Variants in SLC1A6 observed in about 807,000 individuals in gnomAD.
SLC1A6 encodes solute carrier family 1 member 6.
A neutral mutation model predicts 42.1 loss-of-function variants in SLC1A6; 15 were observed. The ratio of observed to expected loss-of-function variants is 0.36; its 90% CI spans 0.24 to 0.55. The LOEUF is 0.55. Ranked by LOEUF, SLC1A6 falls within the 20% of genes least tolerant of loss-of-function variation. The probability of loss-of-function intolerance (pLI) is 0.88; values close to 1 mark genes in which losing one functional copy is unlikely to be tolerated. For missense variants in SLC1A6, 542 were observed against 772.5 expected (o/e 0.70, Z 3.54); for synonymous variants, 317 against 319.7 (o/e 0.99, Z 0.09).
At chr19:14,978,600 T>A (rs1271191772) in intron 1 of SLC1A6, among the ~76,000 whole-genome samples, 1 of 151,638 alleles carries the variant, frequency 6.6e-6, no homozygotes, top group African/African-American at 2.4e-5. Context: ...CACATTCATG[T>A]ACACCCTCAG....
At chr19:14,962,679 C>T (rs1488159253) in intron 5 of SLC1A6, among the ~76,000 whole-genome samples, 13 of 152,074 alleles carry the variant, frequency 8.5e-5, no homozygotes, top group South Asian at 2.1e-4. Flanking sequence ...TCGAGGCAGG[C>T]GGATCATGAG....
chr19:15,007,395 T>G (rs1391855938), intron 1 of SLC1A6, among the ~76,000 whole-genome samples: 1 of 152,102 alleles, frequency 6.6e-6, no homozygotes, highest in Non-Finnish European at 1.5e-5. Flanking sequence ...GACAGGGGAA[T>G]GAGAGTGAGC....
intron 1 of SLC1A6, among the ~76,000 whole-genome samples, chr19:15,004,949 C>A (rs1285025246): frequency 6.6e-6 from 1 of 152,138 alleles, no homozygotes; most frequent in Non-Finnish European, 1.5e-5. Context: ...CTAATCCCAG[C>A]CCAGCAATGA....
At chr19:14,976,575 G>A (rs1027509089) in intron 1 of SLC1A6, among the ~76,000 whole-genome samples, 2 of 152,024 alleles carry the variant, frequency 1.3e-5, no homozygotes, top group African/African-American at 4.8e-5. Context: ...TAGTAGAGAC[G>A]GGGTTTCACT....
upstream of SLC1A6, among the ~76,000 whole-genome samples, chr19:14,982,597 A>C (rs2045773673): frequency 6.6e-6 from 1 of 152,226 alleles, no homozygotes; most frequent in Non-Finnish European, 1.5e-5. Flanking sequence ...TCAATATTAC[A>C]ATATGGTAAT....
At chr19:14,972,956 G>C (rs1474276443) in intron 1 of SLC1A6, 39 bp from the exon 2 acceptor site, 1 of 1,482,552 alleles carries the variant, frequency 6.7e-7, no homozygotes, top group Admixed American at 2.2e-5. Context: ...GTGAGGGCCA[G>C]GACAGAAGGC....
chr19:14,963,075 G>T (rs2045533665), intron 5 of SLC1A6, among the ~76,000 whole-genome samples: 1 of 152,102 alleles, frequency 6.6e-6, no homozygotes, highest in South Asian at 2.1e-4. Context: ...GTGAATGAAT[G>T]GATACAGAAC....
At chr19:14,974,928 CCTG>C (rs888799493) in intron 1 of SLC1A6, 2 of 151,826 alleles carry the variant, frequency 1.3e-5, no homozygotes, top group Non-Finnish European at 2.9e-5. Flanking sequence ...GCCTCCAACT[CCTG>C]GGCTCAAGTG....
At chr19:14,975,021 AAATG>A (rs2045687741) in intron 1 of SLC1A6, 1 of 142,814 alleles carries the variant, frequency 7.0e-6, no homozygotes, top group African/African-American at 2.7e-5. Context: ...TTAAAAATTA[AAATG>A]AATATGTTAA....
chr19:15,007,205 T>A (rs1319797406), intron 1 of SLC1A6, among the ~76,000 whole-genome samples: 1 of 152,140 alleles, frequency 6.6e-6, no homozygotes, highest in African/African-American at 2.4e-5. Flanking sequence ...GATTCAGCCA[T>A]GAAAAGGACA....
At chr19:14,973,034 G>C (rs1007598935) in intron 1 of SLC1A6, 117 bp from the exon 2 acceptor site, 1 of 772,796 alleles carries the variant, frequency 1.3e-6, no homozygotes, top group Non-Finnish European at 2.0e-6. Flanking sequence ...AGAAGGCGGG[G>C]GTGGCTGGGT....
intron 4 of SLC1A6, among the ~76,000 whole-genome samples, chr19:14,968,078 T>C (rs1391841670): frequency 6.6e-6 from 1 of 152,016 alleles, no homozygotes; most frequent in East Asian, 1.9e-4. Context: ...CCTACATGAA[T>C]ATTCATAGCT....
rs1206712338 is a variant in SLC1A6 at position 14,953,221 on chromosome 19, C to CGCCTG, written c.1365-160_1365-159insCAGGC. On this transcript the variant is annotated intron_variant, in intron 8 of 9. Coordinates refer to ENST00000594383, the MANE Select transcript of SLC1A6 (RefSeq NM_005071.3). Reference sequence around the variant, plus strand: ...GAGAGAAAAATACTGCTTGATGCCTCGCCTCGCCTCGCCTCACCTCGATCC... The same window carrying CGCCTG: ...GAGAGAAAAATACTGCTTGATGCCTCGCCTGGCCTCGCCTCGCCTCACCTCGATCC... Among the ~76,000 whole-genome samples, 291 of 151,038 alleles carry CGCCTG rather than the reference C, an allele frequency of 1.9e-3. 1 individual carries two copies. The highest frequency in any genetic ancestry group is 6.7e-3 in the African/African-American group (276 of 41,104).
intron 1 of SLC1A6, among the ~76,000 whole-genome samples, chr19:15,003,492 C>T (rs1401242217): frequency 6.6e-6 from 1 of 152,008 alleles, no homozygotes; most frequent in African/African-American, 2.4e-5. Context: ...TAGGTCATAT[C>T]CCCCTGGAAT....
chr19:14,990,567 C>T (rs970346193), intron 1 of SLC1A6, among the ~76,000 whole-genome samples: 10 of 152,068 alleles, frequency 6.6e-5, no homozygotes, highest in African/African-American at 1.7e-4. Context: ...GTCAGGAGTT[C>T]GAGACCAGCC....
intron 5 of SLC1A6, among the ~76,000 whole-genome samples, chr19:14,963,411 T>C (rs2045537548): frequency 6.6e-6 from 1 of 152,132 alleles, no homozygotes; most frequent in African/African-American, 2.4e-5. Flanking sequence ...CTAATAACAA[T>C]GTATTGTGTA....
At chr19:14,992,360 C>T (rs1322563723) in intron 1 of SLC1A6, among the ~76,000 whole-genome samples, 1 of 152,184 alleles carries the variant, frequency 6.6e-6, no homozygotes, top group Non-Finnish European at 1.5e-5. Context: ...GAGTCTCTTG[C>T]TCTCTCAACA....
intron 1 of SLC1A6, among the ~76,000 whole-genome samples, chr19:14,999,289 A>G (rs1259634534): frequency 1.3e-5 from 2 of 152,154 alleles, no homozygotes; most frequent in Non-Finnish European, 2.9e-5. Flanking sequence ...ACTCTCTTCT[A>G]TGGATTCCAG....
upstream of SLC1A6, among the ~76,000 whole-genome samples, chr19:14,980,654 CAAAAA>C (rs35361239): frequency 8.0e-6 from 1 of 125,406 alleles, no homozygotes; most frequent in Non-Finnish European, 1.6e-5. Context: ...GAGACTCCGT[CAAAAA>C]AAAAAAAAAA....
Sources: gnomAD v4.1 joint callset for allele counts (sites outside exome capture counted in the v4.1 genomes callset) on GRCh38, gnomAD v4.1.1 for gene constraint, MANE v1.5 for transcripts, NCBI Gene and HGNC (gene_info 2026-07-23, HGNC 2026-07-21) for gene names.